Variants in GMDS observed in about 807,000 individuals in gnomAD.
GMDS encodes the protein GDP-mannose 4,6 dehydratase.
GMDS carries 20 observed loss-of-function variants against 49.9 expected under a neutral mutation model. The observed-to-expected ratio is 0.40, with a 90% CI of 0.28 to 0.58. GMDS has a LOEUF of 0.58. GMDS is among the 20% of genes least tolerant of loss of function. The pLI, the probability that GMDS is intolerant of heterozygous loss-of-function variation, is 0.42. For synonymous variants in GMDS, 177 were observed against 178.6 expected (o/e 0.99, Z 0.07); for missense variants, 362 against 481.4 (o/e 0.75, Z 2.32).
At chr6:1,847,558 C>T (rs925778617) in intron 7 of GMDS, among the ~76,000 whole-genome samples, 5 of 152,210 alleles carry the variant, frequency 3.3e-5, no homozygotes, top group Non-Finnish European at 7.3e-5. Context: ...CCCATGCTTA[C>T]TAATCTCTCC....
At chr6:1,887,663 C>A (rs896667877) in intron 7 of GMDS, among the ~76,000 whole-genome samples, 1 of 152,272 alleles carries the variant, frequency 6.6e-6, no homozygotes, top group East Asian at 1.9e-4. Flanking sequence ...AAAAACAAAA[C>A]CTTTCTTCAA....
intron 7 of GMDS, among the ~76,000 whole-genome samples, chr6:1,831,832 C>A (rs948865843): frequency 3.0e-4 from 45 of 152,062 alleles, no homozygotes; most frequent in African/African-American, 1.0e-3. Context: ...CTCACCAGGT[C>A]TCTACACAGC....
chr6:1,730,274 T>G (rs1247861022), intron 8 of GMDS, among the ~76,000 whole-genome samples: 1 of 152,142 alleles, frequency 6.6e-6, no homozygotes, highest in African/African-American at 2.4e-5. Flanking sequence ...AAAAAAGGAA[T>G]AAACTCACAT....
At chr6:1,711,689 C>T (rs552655476) in intron 9 of GMDS, among the ~76,000 whole-genome samples, 4 of 152,330 alleles carry the variant, frequency 2.6e-5, no homozygotes, top group African/African-American at 9.6e-5. Flanking sequence ...TATCTCTGTG[C>T]TATCAGCCTG....
In GMDS at chr6:2,046,745, A is replaced by G. The variant is rs1163035242; in HGVS notation, c.345+69026T>C. Among the ~76,000 whole-genome samples the G allele has an allele frequency of 3.9e-5, 6 of 152,148 alleles. No homozygotes were observed. The East Asian group carries it at 9.6e-4, about 24-fold the overall frequency. ...CAGTGTGCTGGGATTACAAGCTACAATGTTTCTTGAATTTGCACATCATCC... is the reference window on the plus strand; with the variant it reads ...CAGTGTGCTGGGATTACAAGCTACAGTGTTTCTTGAATTTGCACATCATCC... On this transcript the variant is annotated intron_variant, in intron 4 of 10. Transcript: ENST00000380815.
intron 7 of GMDS, among the ~76,000 whole-genome samples, chr6:1,876,488 T>A (rs377307143): frequency 4.6e-5 from 7 of 152,208 alleles, no homozygotes; most frequent in African/African-American, 1.7e-4. Flanking sequence ...TATGCCCAGG[T>A]TGTCAGGAGG....
intron 4 of GMDS, among the ~76,000 whole-genome samples, chr6:2,009,763 T>A (rs925780687): frequency 1.3e-5 from 2 of 152,186 alleles, no homozygotes; most frequent in Non-Finnish European, 2.9e-5. Flanking sequence ...AAGCTGCCAA[T>A]GTCAATGACA....
At chr6:1,808,526 A>T (rs1049223454) in intron 7 of GMDS, among the ~76,000 whole-genome samples, 22 of 152,208 alleles carry the variant, frequency 1.4e-4, no homozygotes, top group Admixed American at 2.0e-4. Context: ...GAATTTTCTT[A>T]TTGATCACTA....
At chr6:1,724,467 T>A (rs1260991007) in intron 9 of GMDS, among the ~76,000 whole-genome samples, 5 of 152,182 alleles carry the variant, frequency 3.3e-5, no homozygotes, top group Non-Finnish European at 7.3e-5. Flanking sequence ...CCACACCTTG[T>A]CTAAGTAGGA....
intron 4 of GMDS, among the ~76,000 whole-genome samples, chr6:2,086,444 C>A (rs555941433): frequency 6.6e-6 from 1 of 152,302 alleles, no homozygotes; most frequent in Admixed American, 6.5e-5. Context: ...CTGTTAAAAT[C>A]CAGACCTTTC....
intron 7 of GMDS, among the ~76,000 whole-genome samples, chr6:1,924,614 A>T (rs1761899478): frequency 6.6e-6 from 1 of 152,162 alleles, no homozygotes; most frequent in Non-Finnish European, 1.5e-5. Flanking sequence ...TCTCATTGGG[A>T]CCATATACTG....
intron 7 of GMDS, among the ~76,000 whole-genome samples, chr6:1,754,663 C>T (rs188327088): frequency 1.2e-3 from 185 of 152,262 alleles, no homozygotes; most frequent in Non-Finnish European, 2.1e-3. Flanking sequence ...AGTAGCACAT[C>T]AAAAAGCTTA....
chr6:2,196,437 T>C (rs933034160), intron 1 of GMDS, among the ~76,000 whole-genome samples: 4 of 152,224 alleles, frequency 2.6e-5, no homozygotes, highest in Non-Finnish European at 5.9e-5. Context: ...ACTTAAAAAG[T>C]TCACTGTTGC....
intron 9 of GMDS, among the ~76,000 whole-genome samples, chr6:1,672,966 G>A (rs886394974): frequency 5.3e-5 from 8 of 151,566 alleles, no homozygotes; most frequent in Non-Finnish European, 1.0e-4. Flanking sequence ...ACTCCCAGCC[G>A]GGCATTTCAG....
At chr6:2,183,619 A>C (rs1177042090) in intron 1 of GMDS, among the ~76,000 whole-genome samples, 1 of 152,244 alleles carries the variant, frequency 6.6e-6, no homozygotes, top group Admixed American at 6.5e-5. Flanking sequence ...GTTTGAGAAG[A>C]TTGATTCCCT....
At chr6:1,779,202 C>T (rs1768973334) in intron 7 of GMDS, among the ~76,000 whole-genome samples, 1 of 152,218 alleles carries the variant, frequency 6.6e-6, no homozygotes, top group African/African-American at 2.4e-5. Flanking sequence ...GCTCCACTTA[C>T]TGGAAACTTC....
intron 6 of GMDS, among the ~76,000 whole-genome samples, chr6:1,938,811 C>CT (rs895099831): frequency 5.9e-5 from 9 of 151,738 alleles, no homozygotes; most frequent in East Asian, 3.9e-4. Context: ...CTCTTAATTT[C>CT]TTTTTTTTGG....
At chr6:2,119,988 T>C (rs1468365017) in intron 2 of GMDS, among the ~76,000 whole-genome samples, 3 of 152,140 alleles carry the variant, frequency 2.0e-5, no homozygotes, top group Non-Finnish European at 4.4e-5. Flanking sequence ...ATCAAGAAAA[T>C]GGAAAATTAT....
intron 4 of GMDS, among the ~76,000 whole-genome samples, chr6:1,971,886 C>T (rs1764632812): frequency 6.6e-6 from 1 of 152,230 alleles, no homozygotes; most frequent in Non-Finnish European, 1.5e-5. Flanking sequence ...TCACAGCACC[C>T]TCCAGCTCTT....
Sources: allele counts gnomAD v4.1 joint callset (sites outside exome capture counted in the v4.1 genomes callset), GRCh38; gene constraint gnomAD v4.1.1; transcripts MANE v1.5; gene names NCBI Gene and HGNC (gene_info 2026-07-23, HGNC 2026-07-21).